The following RIMS1 variants were observed in gnomAD, a reference collection of about 807,000 sequenced individuals.
RIMS1 encodes the protein regulating synaptic membrane exocytosis protein 1.
In RIMS1, 83 loss-of-function variants were observed where a neutral mutation model predicts 214.1. The observed-to-expected ratio is 0.39, with a 90% CI of 0.32 to 0.47. The LOEUF is 0.47. Ranked by LOEUF, RIMS1 falls within the 20% of genes least tolerant of loss-of-function variation. The probability of loss-of-function intolerance (pLI) is 0.99; values close to 1 mark genes in which losing one functional copy is unlikely to be tolerated. For missense variants in RIMS1, 2,050 were observed against 2,161.8 expected (o/e 0.95, Z 1.03); for synonymous variants, 793 against 786.8 (o/e 1.01, Z -0.13).
intron 30 of RIMS1, among the ~76,000 whole-genome samples, chr6:72,391,953 C>T (rs1432370478): frequency 6.6e-6 from 1 of 152,142 alleles, no homozygotes; most frequent in African/African-American, 2.4e-5. Context: ...TAATCTGTGT[C>T]CCATTTAATT....
intron 6 of RIMS1, among the ~76,000 whole-genome samples, chr6:72,219,489 A>G (rs1296488413): frequency 6.6e-6 from 1 of 152,134 alleles, no homozygotes; most frequent in African/African-American, 2.4e-5. Context: ...GTTTTACGTG[A>G]CTTCTATGAG....
At chr6:72,359,825 T>C (rs1255049081) in intron 29 of RIMS1, among the ~76,000 whole-genome samples, 1 of 152,202 alleles carries the variant, frequency 6.6e-6, no homozygotes, top group Non-Finnish European at 1.5e-5. Flanking sequence ...TATTATGTTT[T>C]AAAGTGATTT....
chr6:72,261,001 G>A, intron 19 of RIMS1: 4 of 1,306,900 alleles, frequency 3.1e-6, no homozygotes, highest in Non-Finnish European at 3.9e-6. Flanking sequence ...GAGACTAGTG[G>A]GCCTCTCTGG....
At chr6:71,913,342 C>T (rs965817597) in intron 1 of RIMS1, among the ~76,000 whole-genome samples, 3 of 152,060 alleles carry the variant, frequency 2.0e-5, no homozygotes, top group Non-Finnish European at 4.4e-5. Context: ...CTTGAAGGGA[C>T]GGTTACTTGG....
intron 1 of RIMS1, among the ~76,000 whole-genome samples, chr6:71,933,480 A>G (rs1783645675): frequency 6.6e-6 from 1 of 152,182 alleles, no homozygotes; most frequent in Non-Finnish European, 1.5e-5. Context: ...CAAAGTATTC[A>G]GTTATTATGG....
chr6:72,238,366 CA>C (rs1354163770), intron 9 of RIMS1, among the ~76,000 whole-genome samples: 1 of 151,932 alleles, frequency 6.6e-6, no homozygotes, highest in African/African-American at 2.4e-5. Context: ...AACACTTATT[CA>C]GGGGCAGTGT....
chr6:72,275,983 G>T (rs904138730), intron 23 of RIMS1, among the ~76,000 whole-genome samples: 1 of 152,196 alleles, frequency 6.6e-6, no homozygotes, highest in African/African-American at 2.4e-5. Flanking sequence ...AGGGCCAAGT[G>T]GGGAGGATTA....
chr6:72,180,388 G>A (rs2048250041), intron 5 of RIMS1, among the ~76,000 whole-genome samples: 2 of 152,178 alleles, frequency 1.3e-5, no homozygotes, highest in African/African-American at 2.4e-5. Context: ...GGGTGCTCCA[G>A]GTATCTGCAC....
chr6:72,343,832 G>T (rs556256450), intron 29 of RIMS1, among the ~76,000 whole-genome samples: 15 of 151,630 alleles, frequency 9.9e-5, no homozygotes, highest in Admixed American at 6.6e-4. Flanking sequence ...ATAGATGTTA[G>T]ATTTCAAAAT....
Position 72,212,894 on chromosome 6 carries a change from C to T in RIMS1, c.1679-20879C>T. The T allele has an allele frequency of 4.8e-6, 6 of 1,248,168 alleles. No homozygotes were observed. In the South Asian group the frequency reaches 1.5e-4, roughly 31 times the overall value. The allele number at this position is 1,248,168 out of a possible 1,614,324, so 77.3% of individuals were successfully genotyped here. On this transcript the variant is annotated intron_variant, in intron 6 of 33. Transcript: ENST00000521978. ...ATCCAAGCAGTCCTTTGGGTAACTG[C>T]ACAGTGCCTGCAGTGACCTGAGTCA...
chr6:72,146,886 C>G (rs2042834757), intron 4 of RIMS1, among the ~76,000 whole-genome samples: 1 of 152,108 alleles, frequency 6.6e-6, no homozygotes, highest in Non-Finnish European at 1.5e-5. Flanking sequence ...TGATGTAAAA[C>G]CTAGTAAGTT....
intron 4 of RIMS1, among the ~76,000 whole-genome samples, chr6:72,112,422 T>A (rs961770422): frequency 1.3e-5 from 2 of 152,036 alleles, no homozygotes; most frequent in Admixed American, 1.3e-4. Context: ...CTCCAATGGC[T>A]TCCCATCTCA....
At chr6:71,983,439 A>G (rs918221148) in intron 2 of RIMS1, among the ~76,000 whole-genome samples, 1 of 150,722 alleles carries the variant, frequency 6.6e-6, no homozygotes, top group Non-Finnish European at 1.5e-5. Flanking sequence ...TAATCAGAAA[A>G]AAAGGGTTTT....
chr6:72,302,179 G>A (rs1052202661), intron 26 of RIMS1, among the ~76,000 whole-genome samples: 1 of 151,376 alleles, frequency 6.6e-6, no homozygotes, highest in Non-Finnish European at 1.5e-5. Context: ...GATGGATCTA[G>A]GACTGTAATC....
chr6:72,040,786 T>G (rs774290973), intron 2 of RIMS1, among the ~76,000 whole-genome samples: 1 of 151,912 alleles, frequency 6.6e-6, no homozygotes, highest in Non-Finnish European at 1.5e-5. Flanking sequence ...CACTTTACTT[T>G]TGTTTACTCT....
chr6:72,219,750 C>T (rs973321013), intron 6 of RIMS1, among the ~76,000 whole-genome samples: 3 of 151,692 alleles, frequency 2.0e-5, no homozygotes, highest in African/African-American at 7.3e-5. Context: ...GAATGCTTAG[C>T]CCTTGAAACT....
chr6:72,385,713 A>T (rs2098586913), intron 29 of RIMS1, among the ~76,000 whole-genome samples: 1 of 152,220 alleles, frequency 6.6e-6, no homozygotes, highest in Non-Finnish European at 1.5e-5. Flanking sequence ...CTGGACCCAG[A>T]GTAAGGGCCG....
chr6:72,153,560 GA>G (rs1340514034), intron 4 of RIMS1, among the ~76,000 whole-genome samples: 2 of 151,960 alleles, frequency 1.3e-5, no homozygotes, highest in Admixed American at 6.6e-5. Flanking sequence ...ATAATCTATA[GA>G]TTTTTTACAA....
intron 27 of RIMS1, among the ~76,000 whole-genome samples, chr6:72,308,367 T>A (rs1458965695): frequency 2.0e-5 from 3 of 152,162 alleles, no homozygotes; most frequent in Admixed American, 6.5e-5. Context: ...TATAGAATAC[T>A]ACAAAAGTAG....
Sources: gnomAD v4.1 joint callset for allele counts (sites outside exome capture counted in the v4.1 genomes callset) on GRCh38, gnomAD v4.1.1 for gene constraint, MANE v1.5 for transcripts, NCBI Gene and HGNC (gene_info 2026-07-23, HGNC 2026-07-21) for gene names.